Variants in KLHDC1 observed in about 807,000 individuals in gnomAD.
KLHDC1 encodes the protein kelch domain-containing protein 1.
Under a neutral mutation model 68.3 loss-of-function variants are expected in KLHDC1, and 53 were observed. The ratio of observed to expected loss-of-function variants is 0.78; its 90% CI spans 0.62 to 0.98. The LOEUF (loss-of-function observed/expected upper bound fraction) is 0.98, where lower values mean the gene tolerates loss of function less well. Ranked by LOEUF, KLHDC1 falls within the 50% of genes least tolerant of loss-of-function variation. The pLI, the probability that KLHDC1 is intolerant of heterozygous loss-of-function variation, is 0.00. For synonymous variants in KLHDC1, 148 were observed against 159.0 expected (o/e 0.93, Z 0.52); for missense variants, 470 against 492.3 (o/e 0.95, Z 0.43).
At position 49,728,892 on chromosome 14, in the gene KLHDC1, A is replaced by C. The variant is rs372429344; in HGVS notation, c.568-34A>C. On this transcript the variant is annotated intron_variant, in intron 6 of 12. Transcript: ENST00000359332. ...ATGTAACTTTATTACAGATATTTCA[A>C]GTCTTTGCAGTCTGTTCTGATTTCT... 8.4e-6 allele frequency: 12 copies of C among 1,426,934 alleles called. No homozygotes were observed. In the African/African-American group the frequency reaches 1.5e-4, roughly 18 times the overall value. The allele number at this position is 1,426,934 out of a possible 1,614,324, so 88.4% of individuals were successfully genotyped here.
At chr14:49,745,274 G>A (rs922668643) in intron 12 of KLHDC1, among the ~76,000 whole-genome samples, 3 of 152,146 alleles carry the variant, frequency 2.0e-5, no homozygotes, top group African/African-American at 7.2e-5. Context: ...TAGCACAGTA[G>A]TTCTCAAACT....
In KLHDC1 at chr14:49,723,899, T is replaced by C. The variant is rs772528464; in HGVS notation, c.430T>C (p.Cys144Arg). ...DRLIYFGGYGCRRHSELQDCF... is the reference protein window; with the variant it reads ...DRLIYFGGYGRRRHSELQDCF... Reference sequence around the variant, plus strand: ...ACTAATATATTTTGGTGGTTATGGGTGTAGGAGACACAGTGAACTCCAAGA... The same window carrying C: ...ACTAATATATTTTGGTGGTTATGGGCGTAGGAGACACAGTGAACTCCAAGA... The change falls in exon 5 of 13, where the codon TGT becomes CGT. Residue 144 changes from cysteine (C) to arginine (R), a missense_variant. Coordinates refer to ENST00000359332, the MANE Select transcript of KLHDC1 (RefSeq NM_172193.3). 3 of 1,602,144 alleles carry C rather than the reference T, an allele frequency of 1.9e-6. No homozygotes were observed. The highest frequency in any genetic ancestry group is 2.6e-6 in the Non-Finnish European group (3 of 1,170,978).
At chr14:49,723,233 G>C (rs1331585556) in intron 4 of KLHDC1, among the ~76,000 whole-genome samples, 2 of 150,290 alleles carry the variant, frequency 1.3e-5, no homozygotes, top group Admixed American at 6.6e-5. Context: ...GGGAATTCAA[G>C]ATGAAATTTG....
intron 1 of KLHDC1, among the ~76,000 whole-genome samples, chr14:49,706,351 T>C (rs997665045): frequency 5.9e-5 from 9 of 152,210 alleles, no homozygotes; most frequent in Non-Finnish European, 7.3e-5. Flanking sequence ...CCATTGTGTA[T>C]GAGTACCACA....
rs570094283 is a variant in KLHDC1 at position 49,741,408 on chromosome 14, C to T, written c.981+1226C>T. On this transcript the variant is annotated intron_variant, in intron 11 of 12. Transcript: ENST00000359332. ...GCAGCCTCCACCTCCTGGGTTCAAG[C>T]GATTCTCCGGCCTCAGCCTCCCAAG... Among the ~76,000 whole-genome samples the T allele has an allele frequency of 3.3e-5, 5 of 151,628 alleles. No homozygotes were observed. In the South Asian group the frequency reaches 6.3e-4, roughly 19 times the overall value.
Position 49,713,817 on chromosome 14 carries a change from TATATATATATATATATATA to T in KLHDC1, c.404+3437_404+3455del, listed in dbSNP as rs1566602733. ...CAGGAGGTATATATATATATATATA[TATATATATATATATATATA>T]TATATATATATATATTTTTTTTTTT... On this transcript the variant is annotated intron_variant, in intron 4 of 12. Transcript: ENST00000359332. Among the ~76,000 whole-genome samples, 14 of 2,752 alleles carry T rather than the reference TATATATATATATATATATA, an allele frequency of 5.1e-3. 1 individual carries two copies. The highest frequency in any genetic ancestry group is 0.018 in the Non-Finnish European group (8 of 434). 1.8% of individuals were successfully genotyped at this position (2,752 alleles called of 152,430 possible). A position where few individuals can be genotyped will look rare whatever the true frequency, so the allele number is the denominator to read the frequency against.
intron 1 of KLHDC1, chr14:49,699,953 G>C (rs1325325329): frequency 4.5e-6 from 1 of 223,138 alleles, no homozygotes; most frequent in Non-Finnish European, 9.2e-6. Context: ...CAGGTAGTAT[G>C]GTTTTCCTAT....
chr14:49,743,271 G>A (rs1208404962), intron 11 of KLHDC1, among the ~76,000 whole-genome samples: 2 of 151,110 alleles, frequency 1.3e-5, no homozygotes, highest in African/African-American at 4.9e-5. Flanking sequence ...ATGGTAGTGG[G>A]CGCCTGTAAT....
intron 11 of KLHDC1, among the ~76,000 whole-genome samples, chr14:49,741,976 G>T (rs1272682458): frequency 6.6e-6 from 1 of 152,138 alleles, no homozygotes; most frequent in African/African-American, 2.4e-5. Context: ...CTATGGAGTG[G>T]CAAACTCCAA....
rs768109196 is a variant in KLHDC1 at position 49,729,032 on chromosome 14, G to C, written c.651+23G>C. 4.8e-6 allele frequency: 7 copies of C among 1,467,452 alleles called. No homozygotes were observed. The East Asian group carries it at 9.1e-5, about 19-fold the overall frequency. The allele number at this position is 1,467,452 out of a possible 1,614,324, so 90.9% of individuals were successfully genotyped here. On this transcript the variant is annotated intron_variant, in intron 7 of 12. Transcript: ENST00000359332. ...CTGGTTAGTGTTTTTAATGGAAATGGTATTTTTATGTGCAATGCTCCTTAT... is the reference window on the plus strand; with the variant it reads ...CTGGTTAGTGTTTTTAATGGAAATGCTATTTTTATGTGCAATGCTCCTTAT...
chr14:49,735,864 T>C (rs1027341121), intron 10 of KLHDC1, among the ~76,000 whole-genome samples: 1 of 151,838 alleles, frequency 6.6e-6, no homozygotes, highest in Admixed American at 6.6e-5. Flanking sequence ...GGTTTTTTTT[T>C]AATGGCCGGG....
intron 6 of KLHDC1, 74 bp from the exon 7 acceptor site, chr14:49,728,852 A>G: frequency 1.9e-6 from 2 of 1,048,208 alleles, no homozygotes; most frequent in East Asian, 2.4e-5. Context: ...AGACTTTCAC[A>G]TACTGAGCAT....
intron 12 of KLHDC1, chr14:49,751,028 T>C (rs7155807): frequency 0.95 from 144,043 of 152,240 alleles, 68,685 homozygotes; most frequent in East Asian, 1. Context: ...GACAGTTCTG[T>C]GAGAAGGGTA....
At chr14:49,720,934 T>A (rs1366349833) in intron 4 of KLHDC1, among the ~76,000 whole-genome samples, 1 of 152,212 alleles carries the variant, frequency 6.6e-6, no homozygotes, top group Non-Finnish European at 1.5e-5. Context: ...TCTTTAGTTC[T>A]GACATATTAT....
At chr14:49,738,800 C>T (rs1477365916) in intron 10 of KLHDC1, among the ~76,000 whole-genome samples, 1 of 152,190 alleles carries the variant, frequency 6.6e-6, no homozygotes, top group Non-Finnish European at 1.5e-5. Flanking sequence ...TGGGAGGATG[C>T]CCTAATTTGT....
At chr14:49,696,645 A>T (rs955835278) in intron 1 of KLHDC1, among the ~76,000 whole-genome samples, 3 of 152,194 alleles carry the variant, frequency 2.0e-5, no homozygotes, top group African/African-American at 7.2e-5. Context: ...TGGCTGTATG[A>T]TCTTGTATCC....
At chr14:49,701,607 C>T (rs1887907536) in intron 1 of KLHDC1, among the ~76,000 whole-genome samples, 3 of 151,748 alleles carry the variant, frequency 2.0e-5, no homozygotes, top group Middle Eastern at 3.4e-3. Flanking sequence ...TGTGGTGAGC[C>T]GAGATTGCGC....
chr14:49,736,828 A>G (rs1487894556), intron 10 of KLHDC1, among the ~76,000 whole-genome samples: 1 of 152,194 alleles, frequency 6.6e-6, no homozygotes, highest in East Asian at 1.9e-4. Context: ...TATGACAACT[A>G]AAAATATCTC....
Position 49,693,269 on chromosome 14 carries a change from C to T in KLHDC1, c.75C>T (p.Leu25=), listed in dbSNP as rs758726548. The change falls in exon 1 of 13, where the codon CTC becomes CTT. Residue 25 remains leucine, a synonymous_variant. Transcript: ENST00000359332. The stretch of plus-strand genomic sequence containing the variant: ...GCGCCGTGGTGGACGGAAACTTCCT[C>T]TACGTGTGGGGGGGCTACGTGGTAA... ...GHCAVVDGNF[L]YVWGGYVSIE... 61 of 1,560,928 alleles carry T rather than the reference C, an allele frequency of 3.9e-5. No individual in the cohort carries two copies. Among genetic ancestry groups the T allele is most frequent in the Non-Finnish European group, 5.0e-5 (58 of 1,155,356 alleles).
Sources: allele counts gnomAD v4.1 joint callset (sites outside exome capture counted in the v4.1 genomes callset), GRCh38; gene constraint gnomAD v4.1.1; transcripts MANE v1.5; gene names NCBI Gene and HGNC (gene_info 2026-07-23, HGNC 2026-07-21).